The following ITPR2 variants were observed in gnomAD, a reference collection of about 807,000 sequenced individuals.
ITPR2 encodes the protein inositol 1,4,5-trisphosphate receptor type 2, also known as inositol 1,4,5-trisphosphate-gated calcium channel ITPR2.
Under a neutral mutation model 317.1 loss-of-function variants are expected in ITPR2, and 207 were observed. The observed-to-expected ratio is 0.65, with a 90% confidence interval of 0.58 to 0.73. The LOEUF (loss-of-function observed/expected upper bound fraction) is 0.73. Among genes scored for constraint, ITPR2 ranks in the 30% least tolerant of loss-of-function variants. The pLI is 0.00. For synonymous variants in ITPR2, 1,156 were observed against 1,149.1 expected (o/e 1.01, Z -0.12); for missense variants, 2,613 against 3,284.0 (o/e 0.80, Z 4.99).
intron 26 of ITPR2, among the ~76,000 whole-genome samples, chr12:26,606,806 G>A (rs986034946): frequency 9.9e-5 from 15 of 152,028 alleles, no homozygotes; most frequent in Admixed American, 5.2e-4. Context: ...GGCATGGTGG[G>A]CTCACCTATA....
At chr12:26,500,888 G>A (rs926942468) in intron 37 of ITPR2, among the ~76,000 whole-genome samples, 1 of 152,194 alleles carries the variant, frequency 6.6e-6, no homozygotes, top group Admixed American at 6.5e-5. Flanking sequence ...CCTTAGGAAT[G>A]AAGACTTCAA....
intron 37 of ITPR2, among the ~76,000 whole-genome samples, chr12:26,549,672 C>T (rs999161028): frequency 2.4e-4 from 36 of 152,156 alleles, no homozygotes; most frequent in African/African-American, 8.4e-4. Flanking sequence ...AGCACCTGAG[C>T]TGTCATTTTT....
intron 2 of ITPR2, among the ~76,000 whole-genome samples, chr12:26,778,600 T>C (rs985343050): frequency 6.6e-6 from 1 of 152,236 alleles, no homozygotes; most frequent in African/African-American, 2.4e-5. Context: ...ACCTTCACTG[T>C]CCTACTACAG....
At position 26,337,079 on chromosome 12, in the gene ITPR2, GA is replaced by G. The variant is rs374439882; in HGVS notation, c.*2317del. Reference sequence around the variant, plus strand: ...AAATATTTAAATTTTGATGAAATAAGAGTCTTGTTAGTTGCAGTCTCTTTTG... The same window carrying G: ...AAATATTTAAATTTTGATGAAATAAGGTCTTGTTAGTTGCAGTCTCTTTTG... On this transcript the variant is annotated 3_prime_UTR_variant, in exon 57 of 57. Transcript: ENST00000381340. 1.1e-4 allele frequency: 16 copies of G among 149,090 alleles called. No homozygotes were observed. The highest frequency in any genetic ancestry group is 3.4e-4 in the African/African-American group (14 of 40,678). 9.2% of individuals were successfully genotyped at this position (149,090 alleles called of 1,614,324 possible).
At chr12:26,423,039 AACAGAACAGTAAGC>A (rs1404573766) in intron 49 of ITPR2, among the ~76,000 whole-genome samples, 1 of 152,164 alleles carries the variant, frequency 6.6e-6, no homozygotes, top group African/African-American at 2.4e-5. Flanking sequence ...TTGCTGACAA[AACAGAACAGTAAGC>A]ACAGGTCATG....
chr12:26,487,653 C>G (rs983793486), intron 39 of ITPR2, among the ~76,000 whole-genome samples: 1 of 151,956 alleles, frequency 6.6e-6, no homozygotes, highest in East Asian at 1.9e-4. Flanking sequence ...AGGGATAGAA[C>G]AAAAATGGAA....
intron 1 of ITPR2, among the ~76,000 whole-genome samples, chr12:26,799,888 T>C (rs1351543059): frequency 6.6e-6 from 1 of 152,242 alleles, no homozygotes; most frequent in Non-Finnish European, 1.5e-5. Context: ...TGACCTTAAC[T>C]ACTACCAGTT....
At chr12:26,556,212 T>C in intron 36 of ITPR2, 21 bp downstream of exon 36, 1 of 1,611,060 alleles carries the variant, frequency 6.2e-7, no homozygotes, top group Non-Finnish European at 8.5e-7. Context: ...ACTAGCAGAA[T>C]CTCAGATTGG....
At chr12:26,407,596 A>T (rs1163798683) in intron 52 of ITPR2, among the ~76,000 whole-genome samples, 2 of 152,246 alleles carry the variant, frequency 1.3e-5, no homozygotes, top group African/African-American at 4.8e-5. Context: ...GCTTAAAAAA[A>T]TCTATCCAAA....
intron 50 of ITPR2, among the ~76,000 whole-genome samples, chr12:26,417,766 T>G (rs1940765415): frequency 6.8e-6 from 1 of 147,856 alleles, no homozygotes; most frequent in African/African-American, 2.5e-5. Flanking sequence ...TTGATATTCC[T>G]ATCCATTTTA....
intron 9 of ITPR2, among the ~76,000 whole-genome samples, chr12:26,698,391 G>A (rs898862198): frequency 2.6e-5 from 4 of 152,136 alleles, no homozygotes; most frequent in African/African-American, 4.8e-5. Context: ...TGAACATGAC[G>A]AGCTTCTCAT....
intron 30 of ITPR2, 90 bp from the exon 31 acceptor site, chr12:26,597,224 T>C (rs1414753138): frequency 1.6e-5 from 22 of 1,345,442 alleles, no homozygotes; most frequent in Non-Finnish European, 2.3e-5. Flanking sequence ...GAAACACGTA[T>C]ATCTCTTCGT....
At chr12:26,605,257 A>G (rs1415683251) in intron 26 of ITPR2, among the ~76,000 whole-genome samples, 2 of 151,900 alleles carry the variant, frequency 1.3e-5, no homozygotes, top group Non-Finnish European at 2.9e-5. Flanking sequence ...GTCAGAGTAT[A>G]AAACAGATTT....
intron 13 of ITPR2, among the ~76,000 whole-genome samples, chr12:26,681,595 C>G (rs1040943365): frequency 1.4e-4 from 22 of 152,168 alleles, no homozygotes; most frequent in African/African-American, 5.3e-4. Flanking sequence ...TATTGCAAAT[C>G]TCTCACAAAG....
At chr12:26,652,275 C>T (rs1293937997) in intron 21 of ITPR2, among the ~76,000 whole-genome samples, 2 of 152,284 alleles carry the variant, frequency 1.3e-5, no homozygotes, top group African/African-American at 2.4e-5. Context: ...ACTGTCCCCT[C>T]GCTTCTAGTT....
intron 26 of ITPR2, among the ~76,000 whole-genome samples, chr12:26,612,917 A>G (rs1340105440): frequency 6.6e-6 from 1 of 152,224 alleles, no homozygotes; most frequent in East Asian, 1.9e-4. Flanking sequence ...GTCCTTCAGA[A>G]TAGGCCTATG....
chr12:26,411,892 C>T (rs1400886267), intron 51 of ITPR2, among the ~76,000 whole-genome samples: 3 of 152,182 alleles, frequency 2.0e-5, no homozygotes, highest in South Asian at 4.2e-4. Flanking sequence ...CCTTGGGGAG[C>T]AAAAATCTTC....
At chr12:26,774,897 G>A (rs1034946596) in intron 2 of ITPR2, among the ~76,000 whole-genome samples, 5 of 152,206 alleles carry the variant, frequency 3.3e-5, no homozygotes, top group Non-Finnish European at 5.9e-5. Flanking sequence ...ACCCTTAGTG[G>A]ATGGAAGTTG....
intron 52 of ITPR2, among the ~76,000 whole-genome samples, chr12:26,410,859 A>G (rs1056298432): frequency 1.3e-5 from 2 of 152,112 alleles, no homozygotes; most frequent in Non-Finnish European, 2.9e-5. Flanking sequence ...CTCTCTAGAG[A>G]GAGAGAGATA....
Sources: allele counts gnomAD v4.1 joint callset (sites outside exome capture counted in the v4.1 genomes callset), GRCh38; gene constraint gnomAD v4.1.1; transcripts MANE v1.5; gene names NCBI Gene and HGNC (gene_info 2026-07-23, HGNC 2026-07-21).